Variants in TNFRSF1B observed in about 807,000 individuals in gnomAD.
The protein encoded by TNFRSF1B is tumor necrosis factor receptor superfamily member 1B.
A neutral mutation model predicts 44.6 loss-of-function variants in TNFRSF1B; 19 were observed. The observed-to-expected ratio is 0.43, with a 90% CI of 0.30 to 0.62. The LOEUF is 0.62. TNFRSF1B is among the 20% of genes least tolerant of loss of function. The pLI is 0.16. For synonymous variants in TNFRSF1B, 252 were observed against 261.1 expected (o/e 0.97, Z 0.34); for missense variants, 541 against 619.9 (o/e 0.87, Z 1.35).
At chr1:12,170,063 C>T (rs1638486844) in intron 1 of TNFRSF1B, among the ~76,000 whole-genome samples, 1 of 152,192 alleles carries the variant, frequency 6.6e-6, no homozygotes, top group Admixed American at 6.5e-5. Flanking sequence ...GTCTCTTTGC[C>T]CTCTGTCTGA....
chr1:12,202,008 C>T lies in TNFRSF1B; in HGVS notation c.942C>T (p.Pro314=), dbSNP rs375369071. ...ATAAGGCCCGGGGTACACAGGGCCC[C>T]GAGCAGCAGCACCTGCTGATCACAG... ...PADKARGTQG[P]EQQHLLITAP... Residue 314 remains proline (P), a synonymous_variant, in exon 9 of 10, where the codon CCC becomes CCT. Coordinates refer to ENST00000376259, the MANE Select transcript of TNFRSF1B (RefSeq NM_001066.3). 9.3e-6 allele frequency: 15 copies of T among 1,612,864 alleles called. No homozygotes were observed. The highest frequency in any genetic ancestry group is 1.7e-5 in the Admixed American group (1 of 59,942).
chr1:12,173,747 C>T (rs1332415025), intron 1 of TNFRSF1B, among the ~76,000 whole-genome samples: 2 of 152,206 alleles, frequency 1.3e-5, no homozygotes, highest in Non-Finnish European at 2.9e-5. Flanking sequence ...TGCCCCCTTC[C>T]AGGCCTAGGG....
chr1:12,202,983 T>C (rs1330590303), intron 9 of TNFRSF1B, among the ~76,000 whole-genome samples: 1 of 152,214 alleles, frequency 6.6e-6, no homozygotes, highest in African/African-American at 2.4e-5. Flanking sequence ...TTGTGTCCCA[T>C]TTATGCAGGC....
chr1:12,195,784 T>A (rs1639253042), intron 8 of TNFRSF1B, among the ~76,000 whole-genome samples: 1 of 151,874 alleles, frequency 6.6e-6, no homozygotes, highest in South Asian at 2.1e-4. Flanking sequence ...GCAGGGCAGG[T>A]TTTTTACCCA....
chr1:12,170,453 G>A (rs774705816), intron 1 of TNFRSF1B, among the ~76,000 whole-genome samples: 2 of 152,166 alleles, frequency 1.3e-5, no homozygotes, highest in Non-Finnish European at 2.9e-5. Flanking sequence ...AGAACCTGCC[G>A]GGCATTCTTA....
At chr1:12,206,138 A>G (rs1190743462) in intron 9 of TNFRSF1B, among the ~76,000 whole-genome samples, 1 of 152,146 alleles carries the variant, frequency 6.6e-6, no homozygotes, top group Admixed American at 6.5e-5. Flanking sequence ...CTGTAATCTC[A>G]GCGCTTTGCG....
At chr1:12,188,695 AG>A (rs1639040913) in intron 1 of TNFRSF1B, 100 bp from the exon 2 acceptor site, 1 of 1,080,324 alleles carries the variant, frequency 9.3e-7, no homozygotes, top group East Asian at 2.4e-5. Flanking sequence ...GCAGACTGGC[AG>A]GGGGAGGGCC....
rs1427733590 is a variant in TNFRSF1B, at chr1:12,194,014, A to G, written c.847A>G (p.Ile283Val). Residue 283 changes from isoleucine (I) to valine (V), a missense_variant, in exon 7 of 10, where the codon ATC (isoleucine) becomes GTC (valine). By Grantham distance (29) the Ile-to-Val change is conservative. Transcript: ENST00000376259. ...LLIIGVVNCVIMTQVKKKPLC... is the reference protein window; with the variant it reads ...LLIIGVVNCVVMTQVKKKPLC... The stretch of plus-strand genomic sequence containing the variant: ...AATAATAGGAGTGGTGAACTGTGTC[A>G]TCATGACCCAGGTGAAAAGTAAGAG... 3 of 1,613,956 alleles carry G rather than the reference A, an allele frequency of 1.9e-6. No individual in the cohort carries two copies. Among genetic ancestry groups the G allele is most frequent in the African/African-American group, 2.7e-5 (2 of 74,916 alleles).
intron 2 of TNFRSF1B, 116 bp downstream of exon 2, chr1:12,189,011 T>A: frequency 1.2e-6 from 1 of 827,090 alleles, no homozygotes; most frequent in Non-Finnish European, 1.9e-6. Context: ...TTCTATGCAC[T>A]GGCCCATGCT....
intron 1 of TNFRSF1B, among the ~76,000 whole-genome samples, chr1:12,182,712 G>A (rs901914419): frequency 2.6e-5 from 4 of 152,244 alleles, no homozygotes; most frequent in African/African-American, 9.6e-5. Flanking sequence ...TACAGTGCCT[G>A]CCATCTGGCC....
chr1:12,184,652 A>G (rs1481215198), intron 1 of TNFRSF1B, among the ~76,000 whole-genome samples: 1 of 152,174 alleles, frequency 6.6e-6, no homozygotes. Flanking sequence ...GCCCTCGTCC[A>G]TTGCGGCTCT....
chr1:12,186,662 G>A lies in TNFRSF1B; in HGVS notation c.79-2134G>A, dbSNP rs914999340. Reference sequence around the variant, plus strand: ...TATCTATGGAGAGGCCCCATGACTCGTTCACTAAAGGTTATGGATCTCGAT... The same window carrying A: ...TATCTATGGAGAGGCCCCATGACTCATTCACTAAAGGTTATGGATCTCGAT... On this transcript the variant is annotated intron_variant, in intron 1 of 9. Transcript: ENST00000376259. The surrounding 1 kb of genome is among the most constrained non-coding windows in gnomAD (Gnocchi z 4.8). Among the ~76,000 whole-genome samples, 38 of 152,186 alleles carry A rather than the reference G, an allele frequency of 2.5e-4. No homozygotes were observed. Among genetic ancestry groups the A allele is most frequent in the African/African-American group, 8.4e-4 (35 of 41,440 alleles).
At chr1:12,197,449 A>G (rs568347544) in intron 8 of TNFRSF1B, among the ~76,000 whole-genome samples, 15 of 152,146 alleles carry the variant, frequency 9.9e-5, no homozygotes, top group Non-Finnish European at 1.9e-4. Context: ...TTGGGAGGAA[A>G]TCTGCACAGG....
chr1:12,198,691 G>GTTTTTTGTTTT lies in TNFRSF1B; in HGVS notation c.901-3270_901-3269insGTTTTTTTTTT, dbSNP rs1639322685. Among the ~76,000 whole-genome samples, 7 of 85,652 alleles carry GTTTTTTGTTTT rather than the reference G, an allele frequency of 8.2e-5. 1 individual carries two copies. The highest frequency in any genetic ancestry group is 1.5e-4 in the Non-Finnish European group (7 of 45,788). 56.2% of individuals were successfully genotyped at this position (85,652 alleles called of 152,430 possible). ...TGGCTGGCTGGCTGGCTGGAATTCTGTTTTTTTTTTTTTTTTTGAGAAAGA... is the reference window on the plus strand; with the variant it reads ...TGGCTGGCTGGCTGGCTGGAATTCTGTTTTTTGTTTTTTTTTTTTTTTTTTTTTGAGAAAGA... On this transcript the variant is annotated intron_variant, in intron 8 of 9. Coordinates refer to ENST00000376259, the MANE Select transcript of TNFRSF1B (RefSeq NM_001066.3).
intron 2 of TNFRSF1B, 30 bp downstream of exon 2, chr1:12,188,925 C>T (rs925399356): frequency 1.9e-6 from 3 of 1,601,136 alleles, no homozygotes; most frequent in Admixed American, 1.7e-5. Flanking sequence ...CACTCGGGGC[C>T]CATGCCCTGG....
At chr1:12,172,177 C>A (rs1284021990) in intron 1 of TNFRSF1B, among the ~76,000 whole-genome samples, 1 of 152,126 alleles carries the variant, frequency 6.6e-6, no homozygotes, top group East Asian at 1.9e-4. Context: ...GTTTGGGGTG[C>A]CGGGGATGAA....
At chr1:12,183,822 T>C (rs1570142969) in intron 1 of TNFRSF1B, among the ~76,000 whole-genome samples, 1 of 141,722 alleles carries the variant, frequency 7.1e-6, no homozygotes, top group Admixed American at 6.9e-5. Flanking sequence ...ATCTATTCTA[T>C]CTACCTATCT....
Position 12,194,576 on chromosome 1 carries a change from C to T in TNFRSF1B, c.866-8C>T, listed in dbSNP as rs1296423739. The T allele has an allele frequency of 6.2e-7, 1 of 1,614,164 alleles. No individual in the cohort carries two copies. The highest frequency in any genetic ancestry group is 8.5e-7 in the Non-Finnish European group (1 of 1,179,992). On this transcript the variant is annotated splice_region_variant and splice_polypyrimidine_tract_variant and intron_variant, in intron 7 of 9. Coordinates refer to ENST00000376259, the MANE Select transcript of TNFRSF1B (RefSeq NM_001066.3). ...CAATCTCTTACTTGTCCCCTCTCCT[C>T]TTTATAGAGAAGCCCTTGTGCCTGC...
rs1213442387 is a variant in TNFRSF1B at position 12,202,274 on chromosome 1, A to G, written c.1105+103A>G. On this transcript the variant is annotated intron_variant, in intron 9 of 9. Coordinates refer to ENST00000376259, the MANE Select transcript of TNFRSF1B (RefSeq NM_001066.3). ...CTCCTGAGCCTCCCCGCAGGGTGGG[A>G]CGAGGCCTGAGCCACAGGGAACTTC... The G allele has an allele frequency of 2.7e-6, 4 of 1,466,006 alleles. No individual in the cohort carries two copies. In the African/African-American group the frequency reaches 4.2e-5, roughly 15 times the overall value. The allele number at this position is 1,466,006 out of a possible 1,614,324, so 90.8% of individuals were successfully genotyped here.
Sources: gnomAD v4.1 joint callset for allele counts (sites outside exome capture counted in the v4.1 genomes callset) on GRCh38, gnomAD v4.1.1 for gene constraint, Gnocchi (gnomAD v3.1) non-coding constraint, MANE v1.5 for transcripts, NCBI Gene and HGNC (gene_info 2026-07-23, HGNC 2026-07-21) for gene names.